The following FBN2 variants were observed in gnomAD, a reference collection of about 807,000 sequenced individuals.
The protein encoded by FBN2 is fibrillin 2.
Under a neutral mutation model 355.6 loss-of-function variants are expected in FBN2, and 105 were observed. That is an observed-to-expected ratio of 0.30 (90% CI 0.25 to 0.35). FBN2 has a LOEUF of 0.35. Among genes scored for constraint, FBN2 ranks in the 10% least tolerant of loss-of-function variants. The pLI, the probability that FBN2 is intolerant of heterozygous loss-of-function variation, is 1.00. For synonymous variants in FBN2, 1,350 were observed against 1,301.2 expected (o/e 1.04, Z -0.81); for missense variants, 3,280 against 3,758.7 (o/e 0.87, Z 3.33).
At chr5:128,282,965 A>G (rs1749022508) in intron 55 of FBN2, among the ~76,000 whole-genome samples, 1 of 152,154 alleles carries the variant, frequency 6.6e-6, no homozygotes, top group South Asian at 2.1e-4. Flanking sequence ...CAATCCTACT[A>G]TACTTCTTAG....
At chr5:128,280,340 A>G in intron 55 of FBN2, 23 bp from the exon 56 acceptor site, 4 of 1,586,056 alleles carry the variant, frequency 2.5e-6, no homozygotes, top group Non-Finnish European at 3.5e-6. Context: ...AAACAATATG[A>G]ATAATGAGAA....
intron 28 of FBN2, 147 bp from the exon 29 acceptor site, chr5:128,335,724 C>T: frequency 9.3e-7 from 1 of 1,073,730 alleles, no homozygotes; most frequent in Non-Finnish European, 1.4e-6. Context: ...AGTTCTTTCA[C>T]CTTCATTTTA....
In FBN2 at chr5:128,416,390, T is replaced by G. The variant is rs1753199301; in HGVS notation, c.953-7591A>C. Among the ~76,000 whole-genome samples the G allele has an allele frequency of 2.0e-5, 3 of 152,240 alleles. No homozygotes were observed. The South Asian group carries it at 6.2e-4, about 31-fold the overall frequency. On this transcript the variant is annotated intron_variant, in intron 7 of 64. Coordinates refer to ENST00000262464, the MANE Select transcript of FBN2 (RefSeq NM_001999.4). ...CTCTTCACTCTGTGGATTATTTCCT[T>G]CGCTGTTCAGAAGCTTTTAGTTTAA... is the stretch of plus-strand genomic sequence containing the variant.
intron 7 of FBN2, among the ~76,000 whole-genome samples, chr5:128,445,839 T>A (rs1009393408): frequency 6.6e-6 from 1 of 152,178 alleles, no homozygotes; most frequent in African/African-American, 2.4e-5. Context: ...CACAGATATA[T>A]ATAACAAATA....
chr5:128,312,973 G>A (rs1750099869), intron 36 of FBN2, among the ~76,000 whole-genome samples, 178 bp from the exon 37 acceptor site: 1 of 152,140 alleles, frequency 6.6e-6, no homozygotes, highest in Admixed American at 6.5e-5. Context: ...TTGAGTCAGA[G>A]GAAGCCAATC....
intron 6 of FBN2, among the ~76,000 whole-genome samples, chr5:128,455,678 C>T (rs948175060): frequency 7.2e-5 from 11 of 151,818 alleles, no homozygotes; most frequent in African/African-American, 2.7e-4. Context: ...TGTGGTGCCA[C>T]GGCCCACTTG....
At chr5:128,442,205 C>T (rs1303317663) in intron 7 of FBN2, 1 of 414,968 alleles carries the variant, frequency 2.4e-6, no homozygotes, top group Non-Finnish European at 4.8e-6. Context: ...CTATCTGCCA[C>T]ATAAAGAGCC....
chr5:128,455,730 G>C (rs1754364541), intron 6 of FBN2, among the ~76,000 whole-genome samples: 1 of 151,886 alleles, frequency 6.6e-6, no homozygotes, highest in African/African-American at 2.4e-5. Context: ...CGCAGCTAAG[G>C]GAGGTCATGA....
chr5:128,287,831 A>T (rs1454814265), intron 53 of FBN2, among the ~76,000 whole-genome samples: 1 of 152,160 alleles, frequency 6.6e-6, no homozygotes, highest in African/African-American at 2.4e-5. Flanking sequence ...TCTTAGGGCA[A>T]CCAAGTCTGC....
Position 128,376,061 on chromosome 5 carries a change from A to G in FBN2, c.1972+670T>C, listed in dbSNP as rs1156560939. On this transcript the variant is annotated intron_variant, in intron 14 of 64. Transcript: ENST00000262464. ...AAAAATAAATAAATTTAAAAAAGAA[A>G]AGGAAAAATGTGCTTCTAAGTAGAA... Among the ~76,000 whole-genome samples the G allele has an allele frequency of 2.6e-5, 4 of 152,200 alleles. No homozygotes were observed. In the East Asian group the frequency reaches 5.8e-4, roughly 22 times the overall value.
chr5:128,384,039 C>T (rs937255565), intron 11 of FBN2, among the ~76,000 whole-genome samples: 4 of 151,884 alleles, frequency 2.6e-5, no homozygotes, highest in Non-Finnish European at 5.9e-5. Context: ...AAAATAAGTG[C>T]CCATCAACTT....
chr5:128,392,633 A>C (rs1035420970), intron 10 of FBN2, among the ~76,000 whole-genome samples: 4 of 152,222 alleles, frequency 2.6e-5, no homozygotes, highest in Non-Finnish European at 5.9e-5. Context: ...GCAATTTAAC[A>C]AAAAAGGGTG....
intron 31 of FBN2, among the ~76,000 whole-genome samples, chr5:128,333,579 T>C (rs1352249223): frequency 6.6e-6 from 1 of 152,082 alleles, no homozygotes; most frequent in Non-Finnish European, 1.5e-5. Flanking sequence ...TTCATTTAGG[T>C]GTATATTTTT....
At position 128,378,008 on chromosome 5, in the gene FBN2, G is replaced by GT. The variant is rs373419300; in HGVS notation, c.1724-132dup. On this transcript the variant is annotated intron_variant, in intron 12 of 64. Transcript: ENST00000262464. ...TTAGCAAAATTTCTGTCTCTCAGCA[G>GT]TTTTTTTTTTTTTTTTTGGATAGGT... 0.34 allele frequency: 171,325 copies of GT among 502,450 alleles called. 10,521 individuals are homozygous for GT. The highest frequency in any genetic ancestry group is 0.39 in the Admixed American group (10,433 of 26,514). 31.1% of individuals were successfully genotyped at this position (502,450 alleles called of 1,614,324 possible). A position where few individuals can be genotyped will look rare whatever the true frequency, so the allele number is the denominator to read the frequency against.
At chr5:128,327,906 G>A (rs777284501) in intron 34 of FBN2, among the ~76,000 whole-genome samples, 1 of 152,160 alleles carries the variant, frequency 6.6e-6, no homozygotes, top group Admixed American at 6.5e-5. Flanking sequence ...CCAAAGAGCT[G>A]GGAATATAGG....
At chr5:128,296,734 C>G (rs1561754826) in intron 48 of FBN2, among the ~76,000 whole-genome samples, 4 of 152,160 alleles carry the variant, frequency 2.6e-5, no homozygotes, top group African/African-American at 9.6e-5. Flanking sequence ...CTCTTTTATT[C>G]TTTATTAGTC....
chr5:128,490,474 T>C (rs1463707181), intron 5 of FBN2, among the ~76,000 whole-genome samples: 3 of 152,216 alleles, frequency 2.0e-5, no homozygotes, highest in Non-Finnish European at 2.9e-5. Flanking sequence ...AAATGAAAAC[T>C]GTAAAACAAG....
chr5:128,501,559 T>C (rs1220066454), intron 5 of FBN2, among the ~76,000 whole-genome samples: 1 of 152,184 alleles, frequency 6.6e-6, no homozygotes, highest in Non-Finnish European at 1.5e-5. Flanking sequence ...AAAAGAATAC[T>C]GCATTGTAGG....
At chr5:128,342,161 A>G (rs988658734) in intron 25 of FBN2, among the ~76,000 whole-genome samples, 2 of 152,174 alleles carry the variant, frequency 1.3e-5, no homozygotes, top group Non-Finnish European at 2.9e-5. Flanking sequence ...ATGATGGTAG[A>G]TGAAACTCTG....
Sources: allele counts gnomAD v4.1 joint callset (sites outside exome capture counted in the v4.1 genomes callset), GRCh38; gene constraint gnomAD v4.1.1; transcripts MANE v1.5; gene names NCBI Gene and HGNC (gene_info 2026-07-23, HGNC 2026-07-21).